The following MIIP variants were observed in gnomAD, a reference collection of about 807,000 sequenced individuals.
The protein encoded by MIIP is migration and invasion inhibitory protein.
In MIIP, 44 loss-of-function variants were observed where a neutral mutation model predicts 44.8. The observed-to-expected ratio is 0.98, with a 90% CI of 0.77 to 1.26. The LOEUF (loss-of-function observed/expected upper bound fraction) is 1.26. Among genes scored for constraint, MIIP ranks in the 50% most tolerant of loss-of-function variants. The pLI is 0.00. For missense variants in MIIP, 496 were observed against 511.7 expected (o/e 0.97, Z 0.30); for synonymous variants, 225 against 218.3 (o/e 1.03, Z -0.27).
chr1:12,027,959 C>T (rs1356472514), intron 4 of MIIP, among the ~76,000 whole-genome samples: 1 of 152,150 alleles, frequency 6.6e-6, no homozygotes, highest in East Asian at 1.9e-4. Flanking sequence ...CGCCTGTAAT[C>T]CCAGCACTTT....
In MIIP at chr1:12,022,796, T is replaced by TAAG. The variant is rs1222962514; in HGVS notation, c.463-37_463-36insAAG. 3.3e-6 allele frequency: 5 copies of TAAG among 1,531,018 alleles called. No homozygotes were observed. The African/African-American group carries it at 6.8e-5, about 21-fold the overall frequency. 94.8% of individuals were successfully genotyped at this position (1,531,018 alleles called of 1,614,324 possible). ...GCGGCTTCCTCTGGGCCAGGCCTCT[T>TAAG]GGCTTAGTCCTTGTCCCTCTGTGCT... On this transcript the variant is annotated intron_variant, in intron 3 of 9. Coordinates refer to ENST00000235332, the MANE Select transcript of MIIP (RefSeq NM_021933.4).
At position 12,021,798 on chromosome 1, in the gene MIIP, G is replaced by T. The variant is rs1366656595; in HGVS notation, c.72G>T (p.Gly24=). 3 of 1,612,524 alleles carry T rather than the reference G, an allele frequency of 1.9e-6. No homozygotes were observed. The part of the protein sequence containing the change: ...NLELLRQLWV[G]QDAVRRSVAR... ...AGCTCCTGAGGCAGCTGTGGGTGGG[G>T]CAGGATGCTGTGCGGCGGTCAGTGG... The change falls in exon 2 of 10, where the codon GGG becomes GGT. Residue 24 remains glycine, a synonymous_variant. Transcript: ENST00000235332.
chr1:12,026,630 T>G (rs1241631182), intron 4 of MIIP, among the ~76,000 whole-genome samples: 1 of 152,334 alleles, frequency 6.6e-6, no homozygotes, highest in Middle Eastern at 3.4e-3. Context: ...AGCATGAGCA[T>G]GAACGTGCAG....
chr1:12,023,059 C>CTTT (rs869060053), intron 4 of MIIP, 142 bp downstream of exon 4: 1,155 of 351,838 alleles, frequency 3.3e-3, no homozygotes, highest in South Asian at 5.4e-3. Context: ...GGAGCACCCT[C>CTTT]TTTTTTTTTT....
In MIIP at chr1:12,022,130, G is replaced by C. The variant is rs376224185; in HGVS notation, c.150G>C (p.Glu50Asp). The C allele has an allele frequency of 3.0e-5, 49 of 1,613,928 alleles. No homozygotes were observed. Among genetic ancestry groups the C allele is most frequent in the Admixed American group, 1.8e-4 (11 of 59,998 alleles). Residue 50 changes from glutamate (E) to aspartate (D), a missense_variant, in exon 3 of 10, where the codon GAG (glutamate) becomes GAC (aspartate). Physicochemically the swap from Glu to Asp is conservative, Grantham distance 45 (BLOSUM62 2). Coordinates refer to ENST00000235332, the MANE Select transcript of MIIP (RefSeq NM_021933.4). The part of the protein sequence containing the change: ...SLESSSSYNS[E>D]TPSTPETSST... ...AATCCAGCAGCAGCTACAACTCAGA[G>C]ACTCCATCGACCCCAGAGACGTCCT...
chr1:12,029,702 A>T, intron 6 of MIIP, 63 bp from the exon 7 acceptor site: 2 of 1,578,284 alleles, frequency 1.3e-6, no homozygotes, highest in South Asian at 2.3e-5. Context: ...TGAGGGCAGC[A>T]CGGAGCCTGG....
chr1:12,021,620 C>G lies in MIIP; in HGVS notation c.-82-25C>G. ...GCACCACAGGGCACCCTACTGAGCC[C>G]CGTGTCCTGCTGTCTTGACTTCAGG... is the stretch of plus-strand genomic sequence containing the variant. On this transcript the variant is annotated intron_variant, in intron 1 of 9. Coordinates refer to ENST00000235332, the MANE Select transcript of MIIP (RefSeq NM_021933.4). The G allele has an allele frequency of 3.2e-6, 3 of 944,778 alleles. 1 individual carries two copies. In the South Asian group the frequency reaches 4.3e-5, roughly 13 times the overall value. The allele number at this position is 944,778 out of a possible 1,614,324, so 58.5% of individuals were successfully genotyped here. A position where few individuals can be genotyped will look rare whatever the true frequency, so the allele number is the denominator to read the frequency against.
chr1:12,023,588 T>G (rs1640037300), intron 4 of MIIP, among the ~76,000 whole-genome samples: 1 of 150,842 alleles, frequency 6.6e-6, no homozygotes, highest in Non-Finnish European at 1.5e-5. Context: ...GTATTTTTGT[T>G]TTTTTTAGTA....
chr1:12,028,213 TAAAAA>T (rs1388220697), intron 4 of MIIP, among the ~76,000 whole-genome samples: 2 of 151,916 alleles, frequency 1.3e-5, no homozygotes, highest in Non-Finnish European at 2.9e-5. Context: ...TCTCAAAAAA[TAAAAA>T]AAGAAACATC....
In MIIP at chr1:12,025,028, C is replaced by CTTTTTTTT. The variant is rs147513513; in HGVS notation, c.547+2115_547+2122dup. On this transcript the variant is annotated intron_variant, in intron 4 of 9. Transcript: ENST00000235332. The stretch of plus-strand genomic sequence containing the variant: ...TGTACTGTGTGTCAGAATTCCCTTC[C>CTTTTTTTT]TTTTTTTTTTTGTTTTTTGTTTTTT... 1.8e-3 allele frequency among the ~76,000 whole-genome samples: 219 copies of CTTTTTTTT among 123,564 alleles called. 1 individual carries two copies. Among genetic ancestry groups the CTTTTTTTT allele is most frequent in the Middle Eastern group, 4.4e-3 (1 of 228 alleles). 81.1% of individuals were successfully genotyped at this position (123,564 alleles called of 152,430 possible).
intron 4 of MIIP, among the ~76,000 whole-genome samples, chr1:12,025,700 G>A (rs952988452): frequency 9.2e-5 from 14 of 152,028 alleles, no homozygotes; most frequent in African/African-American, 2.4e-4. Flanking sequence ...TTCCAGCCTC[G>A]CGGCCTCCTC....
chr1:12,024,217 T>C (rs1640052842), intron 4 of MIIP: 1 of 152,202 alleles, frequency 6.6e-6, no homozygotes, highest in African/African-American at 2.4e-5. Context: ...AGCTGCCGTA[T>C]GTTTGAACAT....
intron 4 of MIIP, 140 bp downstream of exon 4, chr1:12,023,057 CT>C: frequency 1.9e-6 from 1 of 522,156 alleles, no homozygotes; most frequent in Non-Finnish European, 3.3e-6. Context: ...GGGGAGCACC[CT>C]CTTTTTTTTT....
intron 8 of MIIP, 180 bp from the exon 9 acceptor site, chr1:12,031,085 TG>T: frequency 1.4e-6 from 1 of 695,466 alleles, no homozygotes; most frequent in East Asian, 2.8e-5. Flanking sequence ...GCCCCAGGGA[TG>T]GCTGGATCTG....
intron 4 of MIIP, among the ~76,000 whole-genome samples, chr1:12,023,230 A>C (rs61776523): frequency 6.7e-6 from 1 of 148,894 alleles, no homozygotes; most frequent in Non-Finnish European, 1.5e-5. Flanking sequence ...CGCCCGGCTA[A>C]TTTTTGTATT....
In MIIP at chr1:12,031,632, C is replaced by T. The variant is rs952701271; in HGVS notation, c.1081-90C>T. 2.5e-6 allele frequency: 4 copies of T among 1,613,262 alleles called. No individual in the cohort carries two copies. The Admixed American group carries it at 6.7e-5, about 27-fold the overall frequency. On this transcript the variant is annotated intron_variant, in intron 9 of 9. Transcript: ENST00000235332. ...GCTCCACCCAGGAAGGCCACCCTGA[C>T]TGCAAGATCCAGGAGGGAATGTGGC...
intron 1 of MIIP, among the ~76,000 whole-genome samples, chr1:12,020,673 G>GC (rs1342350838): frequency 2.0e-5 from 3 of 152,040 alleles, no homozygotes; most frequent in Non-Finnish European, 4.4e-5. Context: ...ACCACACCCG[G>GC]CTAATTGTTT....
chr1:12,031,571 TC>T, intron 9 of MIIP, 150 bp from the exon 10 acceptor site: 1 of 1,594,614 alleles, frequency 6.3e-7, no homozygotes, highest in South Asian at 1.1e-5. Flanking sequence ...ACCCTAGCCA[TC>T]CCTCGGAACT....
At chr1:12,028,064 G>T (rs992932599) in intron 4 of MIIP, among the ~76,000 whole-genome samples, 1 of 152,178 alleles carries the variant, frequency 6.6e-6, no homozygotes, top group East Asian at 1.9e-4. Context: ...AAAATTAGCT[G>T]GGTGTGGTGG....
Sources: gnomAD v4.1 joint callset for allele counts (sites outside exome capture counted in the v4.1 genomes callset) on GRCh38, gnomAD v4.1.1 for gene constraint, MANE v1.5 for transcripts, NCBI Gene and HGNC (gene_info 2026-07-23, HGNC 2026-07-21) for gene names.